Variants in MPPED2 observed in about 807,000 individuals in gnomAD.
MPPED2 encodes the protein metallophosphoesterase MPPED2.
In MPPED2, 5 loss-of-function variants were observed where a neutral mutation model predicts 33.0. The ratio of observed to expected loss-of-function variants is 0.15; its 90% CI spans 0.08 to 0.32. The LOEUF (loss-of-function observed/expected upper bound fraction) is 0.32. Ranked by LOEUF, MPPED2 falls within the 10% of genes least tolerant of loss-of-function variation. The pLI is 1.00. For missense variants in MPPED2, 275 were observed against 372.1 expected (o/e 0.74, Z 2.15); for synonymous variants, 136 against 141.9 (o/e 0.96, Z 0.29).
intron 4 of MPPED2, among the ~76,000 whole-genome samples, chr11:30,472,859 G>C (rs954932568): frequency 6.6e-6 from 1 of 152,078 alleles, no homozygotes; most frequent in Admixed American, 6.6e-5. Context: ...TGTACTTAAT[G>C]CCACTTAAAA....
chr11:30,569,199 G>A (rs1299208127), intron 2 of MPPED2, among the ~76,000 whole-genome samples: 4 of 152,088 alleles, frequency 2.6e-5, no homozygotes, highest in African/African-American at 9.7e-5. Context: ...CCACCACCGA[G>A]GGGCACAACG....
intron 3 of MPPED2, among the ~76,000 whole-genome samples, chr11:30,504,448 G>C (rs1340806109): frequency 6.6e-6 from 1 of 152,134 alleles, no homozygotes; most frequent in African/African-American, 2.4e-5. Context: ...AGCAGAGAAG[G>C]CCTGAGTCCA....
intron 4 of MPPED2, among the ~76,000 whole-genome samples, chr11:30,450,703 A>G (rs1950018731): frequency 6.6e-6 from 1 of 152,242 alleles, no homozygotes; most frequent in African/African-American, 2.4e-5. Flanking sequence ...TCAGCACCCA[A>G]GTTTTATATT....
At chr11:30,390,041 T>C (rs1463982350) in intron 6 of MPPED2, among the ~76,000 whole-genome samples, 1 of 152,244 alleles carries the variant, frequency 6.6e-6, no homozygotes, top group African/African-American at 2.4e-5. Flanking sequence ...CCACATTAAA[T>C]ATATTTAGTA....
At chr11:30,557,587 T>A (rs1169316137) in intron 2 of MPPED2, among the ~76,000 whole-genome samples, 2 of 152,188 alleles carry the variant, frequency 1.3e-5, no homozygotes. Flanking sequence ...TTTTGTTTTC[T>A]TTTAAGGAAA....
chr11:30,520,769 G>A (rs894745818), intron 3 of MPPED2, among the ~76,000 whole-genome samples: 3 of 152,140 alleles, frequency 2.0e-5, no homozygotes, highest in African/African-American at 7.2e-5. Context: ...AGAATTTTAT[G>A]ATGTTCCAGA....
At chr11:30,566,648 T>G (rs947485294) in intron 2 of MPPED2, among the ~76,000 whole-genome samples, 2 of 152,152 alleles carry the variant, frequency 1.3e-5, no homozygotes, top group Non-Finnish European at 1.5e-5. Context: ...AAACTCAGCT[T>G]TCATTCATTC....
At chr11:30,527,093 T>A (rs1057486761) in intron 3 of MPPED2, among the ~76,000 whole-genome samples, 2 of 150,494 alleles carry the variant, frequency 1.3e-5, no homozygotes, top group African/African-American at 2.4e-5. Flanking sequence ...GCCCAGCTAA[T>A]TTTTTTTTGT....
At chr11:30,583,654 G>A (rs1957300933) in intron 1 of MPPED2, among the ~76,000 whole-genome samples, 1 of 152,016 alleles carries the variant, frequency 6.6e-6, no homozygotes, top group Admixed American at 6.6e-5. Context: ...TTTAAAGTCG[G>A]CTGGCAATGA....
chr11:30,457,154 T>C (rs1950312299), intron 4 of MPPED2, among the ~76,000 whole-genome samples: 1 of 152,122 alleles, frequency 6.6e-6, no homozygotes, highest in Non-Finnish European at 1.5e-5. Flanking sequence ...TACAGCAACA[T>C]GCTTTGAGAA....
chr11:30,505,724 A>G lies in MPPED2; in HGVS notation c.311-10203T>C, dbSNP rs571200376. On this transcript the variant is annotated intron_variant, in intron 3 of 6. Coordinates refer to ENST00000358117, the MANE Select transcript of MPPED2 (RefSeq NM_001584.3). ...AATCACAAGAAAAATTGGTAAAGAC[A>G]TTGTCAGGTTTCATCTGGATCAGTT... 3.3e-4 allele frequency among the ~76,000 whole-genome samples: 50 copies of G among 152,322 alleles called. No homozygotes were observed. The South Asian group carries it at 0.01, about 31-fold the overall frequency.
intron 3 of MPPED2, among the ~76,000 whole-genome samples, chr11:30,516,265 A>T (rs1953529292): frequency 2.0e-5 from 3 of 152,152 alleles, no homozygotes; most frequent in African/African-American, 7.2e-5. Flanking sequence ...AGGAAAAAAC[A>T]GTGTGCATTC....
At chr11:30,436,407 T>C (rs1949328122) in intron 4 of MPPED2, among the ~76,000 whole-genome samples, 1 of 152,196 alleles carries the variant, frequency 6.6e-6, no homozygotes, top group Non-Finnish European at 1.5e-5. Flanking sequence ...TCTCAAGAGA[T>C]GCAGATGCTG....
chr11:30,586,119 A>C lies in MPPED2; in HGVS notation c.-199T>G, dbSNP rs1268132850. 6.6e-6 allele frequency: 1 copy of C among 152,108 alleles called. No homozygotes were observed. The allele number at this position is 152,108 out of a possible 1,614,324, so 9.4% of individuals were successfully genotyped here. A position where few individuals can be genotyped will look rare whatever the true frequency, so the allele number is the denominator to read the frequency against. On this transcript the variant is annotated 5_prime_UTR_variant, in exon 1 of 7. Coordinates refer to ENST00000358117, the MANE Select transcript of MPPED2 (RefSeq NM_001584.3). The surrounding 1 kb of genome is among the most constrained non-coding windows in gnomAD (Gnocchi z 4.8). ...AGGCGATCCATAGCCGAGCGGCCCG[A>C]GCCGGCTGGAGGAGCGCTGGGGGCG... is the stretch of plus-strand genomic sequence containing the variant.
chr11:30,424,873 T>A (rs1948762936), intron 4 of MPPED2, among the ~76,000 whole-genome samples: 1 of 152,040 alleles, frequency 6.6e-6, no homozygotes, highest in South Asian at 2.1e-4. Context: ...CCAATTGACA[T>A]CGCTAGGAGA....
At chr11:30,455,647 G>C (rs1163531005) in intron 4 of MPPED2, among the ~76,000 whole-genome samples, 1 of 152,112 alleles carries the variant, frequency 6.6e-6, no homozygotes, top group Non-Finnish European at 1.5e-5. Flanking sequence ...TCCCCATATG[G>C]GATGGTAGGC....
chr11:30,576,383 A>G (rs2134871617), intron 2 of MPPED2, among the ~76,000 whole-genome samples: 1 of 152,306 alleles, frequency 6.6e-6, no homozygotes, highest in African/African-American at 2.4e-5. Flanking sequence ...GAAGGCGCAG[A>G]TAAGGAAAGT....
At position 30,575,933 on chromosome 11, in the gene MPPED2, T is replaced by C. The variant is rs1350354653; in HGVS notation, c.128+4313A>G. On this transcript the variant is annotated intron_variant, in intron 2 of 6. Transcript: ENST00000358117. ...TGACTCTTTGCTGCTCATAGCTCCA[T>C]GAGGAAGAAAGGACAAGATTTAGCA... Among the ~76,000 whole-genome samples the C allele has an allele frequency of 3.9e-5, 6 of 152,186 alleles. No individual in the cohort carries two copies. In the East Asian group the frequency reaches 5.8e-4, roughly 15 times the overall value.
chr11:30,563,969 C>A (rs1195390529), intron 2 of MPPED2, among the ~76,000 whole-genome samples: 1 of 152,180 alleles, frequency 6.6e-6, no homozygotes, highest in Admixed American at 6.5e-5. Context: ...ATCTTTTGAT[C>A]TTTCTCCCAC....
Sources: allele counts gnomAD v4.1 joint callset (sites outside exome capture counted in the v4.1 genomes callset), GRCh38; gene constraint gnomAD v4.1.1; non-coding constraint Gnocchi (gnomAD v3.1); transcripts MANE v1.5; gene names NCBI Gene and HGNC (gene_info 2026-07-23, HGNC 2026-07-21).